The following SPIDR variants were observed in gnomAD, a reference collection of about 807,000 sequenced individuals.
SPIDR encodes scaffold protein involved in DNA repair.
SPIDR carries 93 observed loss-of-function variants against 104.6 expected under a neutral mutation model. The observed-to-expected ratio is 0.89, with a 90% confidence interval of 0.75 to 1.06. The LOEUF is 1.06. SPIDR is among the 50% of genes least tolerant of loss of function. The probability of loss-of-function intolerance (pLI) is 0.00; values close to 1 mark genes in which losing one functional copy is unlikely to be tolerated. For synonymous variants in SPIDR, 431 were observed against 416.9 expected, an observed-to-expected ratio of 1.03 and a Z score of -0.41; for missense variants, 1,154 against 1,111.2, an observed-to-expected ratio of 1.04 and a Z score of -0.55.
intron 10 of SPIDR, among the ~76,000 whole-genome samples, chr8:47,628,129 T>C (rs2066488753): frequency 6.6e-6 from 1 of 152,176 alleles, no homozygotes. Flanking sequence ...CTCAAAAATA[T>C]AGATGGCTTT....
intron 8 of SPIDR, chr8:47,511,571 T>C (rs997603134): frequency 1.3e-6 from 1 of 782,544 alleles, no homozygotes; most frequent in Non-Finnish European, 2.4e-6. Context: ...TTATCCAGGC[T>C]GAATCCACTC....
At chr8:47,327,997 C>T (rs1487086271) in intron 5 of SPIDR, among the ~76,000 whole-genome samples, 5 of 150,402 alleles carry the variant, frequency 3.3e-5, no homozygotes, top group Admixed American at 6.6e-5. Context: ...GACCCCTGGC[C>T]GTGTTTTTTT....
intron 8 of SPIDR, among the ~76,000 whole-genome samples, chr8:47,467,065 A>T (rs944116748): frequency 6.6e-6 from 1 of 152,006 alleles, no homozygotes; most frequent in Non-Finnish European, 1.5e-5. Context: ...ACAAATAACC[A>T]TCAGAGAATA....
intron 8 of SPIDR, among the ~76,000 whole-genome samples, chr8:47,493,034 A>AGAGT (rs1227823116): frequency 1.8e-5 from 2 of 109,508 alleles, no homozygotes; most frequent in Non-Finnish European, 3.8e-5. Context: ...AGAGAGAGAG[A>AGAGT]GAGAGTGAGT....
intron 5 of SPIDR, among the ~76,000 whole-genome samples, chr8:47,345,963 C>T (rs1242293210): frequency 6.6e-6 from 1 of 152,180 alleles, no homozygotes; most frequent in Non-Finnish European, 1.5e-5. Flanking sequence ...ATTTCTTTCT[C>T]TTGCCTGATT....
chr8:47,601,079 G>C (rs548241660), intron 10 of SPIDR, among the ~76,000 whole-genome samples: 3 of 152,292 alleles, frequency 2.0e-5, no homozygotes, highest in East Asian at 3.9e-4. Context: ...TGAATGCTTT[G>C]GAGTTGTACT....
intron 8 of SPIDR, among the ~76,000 whole-genome samples, chr8:47,544,411 G>A (rs137912324): frequency 1.3e-5 from 2 of 152,186 alleles, no homozygotes; most frequent in East Asian, 1.9e-4. Context: ...TATGAATTGT[G>A]TTTTTGATGT....
At chr8:47,695,559 G>T (rs956990189) in intron 11 of SPIDR, among the ~76,000 whole-genome samples, 1 of 152,192 alleles carries the variant, frequency 6.6e-6, no homozygotes, top group African/African-American at 2.4e-5. Flanking sequence ...GTCCTGTGAA[G>T]ATTTGAGAGT....
Position 47,554,700 on chromosome 8 carries a change from G to A in SPIDR, c.1098-41111G>A, listed in dbSNP as rs144603741. ...AATTCCCCGACCCCTTGCGCTTCCC[G>A]GGTGAGGCAGTGCCCCACCCTGCTT... is the stretch of plus-strand genomic sequence containing the variant. On this transcript the variant is annotated intron_variant, in intron 8 of 19. Transcript: ENST00000297423. Among the ~76,000 whole-genome samples, 284 of 152,232 alleles carry A rather than the reference G, an allele frequency of 1.9e-3. 3 individuals carry two copies. In the East Asian group the frequency reaches 0.025, roughly 13 times the overall value.
intron 6 of SPIDR, among the ~76,000 whole-genome samples, chr8:47,401,096 G>A (rs916250099): frequency 3.9e-5 from 6 of 152,092 alleles, no homozygotes; most frequent in Non-Finnish European, 7.3e-5. Context: ...GAAAGGTCGG[G>A]TTACTCACAA....
chr8:47,734,156 A>T (rs971596054), intron 19 of SPIDR, among the ~76,000 whole-genome samples: 1 of 152,146 alleles, frequency 6.6e-6, no homozygotes, highest in African/African-American at 2.4e-5. Context: ...GGGTGCCCCC[A>T]AGGCCGGTGG....
intron 6 of SPIDR, among the ~76,000 whole-genome samples, chr8:47,403,397 A>G (rs2062208239): frequency 6.6e-6 from 1 of 152,228 alleles, no homozygotes; most frequent in African/African-American, 2.4e-5. Context: ...TTCAGTTAGG[A>G]AAAGAGGAAG....
chr8:47,505,302 C>T (rs1208253378), intron 8 of SPIDR, among the ~76,000 whole-genome samples: 1 of 152,232 alleles, frequency 6.6e-6, no homozygotes, highest in Non-Finnish European at 1.5e-5. Context: ...AGCTTCCCCG[C>T]CACTTTGTTT....
chr8:47,334,971 T>C (rs1359655223), intron 5 of SPIDR, among the ~76,000 whole-genome samples: 1 of 152,192 alleles, frequency 6.6e-6, no homozygotes, highest in African/African-American at 2.4e-5. Context: ...GCAAGCCAAC[T>C]TTCCAATAAC....
chr8:47,315,913 A>G (rs1172482744), intron 5 of SPIDR, among the ~76,000 whole-genome samples: 8 of 152,196 alleles, frequency 5.3e-5, no homozygotes, highest in African/African-American at 1.9e-4. Context: ...CTTTTAGAAT[A>G]AACAAAGAAC....
At chr8:47,268,353 C>G (rs959091175) in intron 1 of SPIDR, among the ~76,000 whole-genome samples, 16 of 152,116 alleles carry the variant, frequency 1.1e-4, no homozygotes, top group Non-Finnish European at 1.6e-4. Flanking sequence ...AGCAGCTTGT[C>G]AATTTCTGCA....
At chr8:47,489,343 A>G (rs1554736305) in intron 8 of SPIDR, among the ~76,000 whole-genome samples, 1 of 152,194 alleles carries the variant, frequency 6.6e-6, no homozygotes, top group African/African-American at 2.4e-5. Context: ...CTGCTCAATG[A>G]AATAAAAGAG....
intron 2 of SPIDR, among the ~76,000 whole-genome samples, chr8:47,281,394 G>C (rs1266393030): frequency 6.6e-6 from 1 of 152,164 alleles, no homozygotes; most frequent in Admixed American, 6.5e-5. Flanking sequence ...TGTGATGCTG[G>C]TAACATTTGA....
intron 10 of SPIDR, among the ~76,000 whole-genome samples, chr8:47,630,981 A>G (rs2066974330): frequency 6.6e-6 from 1 of 152,166 alleles, no homozygotes; most frequent in African/African-American, 2.4e-5. Context: ...GACTGTGAGA[A>G]CAAGAACTCA....
Sources: gnomAD v4.1 joint callset for allele counts (sites outside exome capture counted in the v4.1 genomes callset) on GRCh38, gnomAD v4.1.1 for gene constraint, MANE v1.5 for transcripts, NCBI Gene and HGNC (gene_info 2026-07-23, HGNC 2026-07-21) for gene names.